Variants in PMPCB observed in about 807,000 individuals in gnomAD.
PMPCB encodes the protein mitochondrial-processing peptidase subunit beta.
Under a neutral mutation model 61.5 loss-of-function variants are expected in PMPCB, and 46 were observed. The ratio of observed to expected loss-of-function variants is 0.75; its 90% CI spans 0.59 to 0.96. The LOEUF (loss-of-function observed/expected upper bound fraction) is 0.96. Ranked by LOEUF, PMPCB falls within the 40% of genes least tolerant of loss-of-function variation. PMPCB has a pLI of 0.00. For missense variants in PMPCB, 590 were observed against 602.4 expected (o/e 0.98, Z 0.22); for synonymous variants, 191 against 201.6 (o/e 0.95, Z 0.44).
At chr7:103,334,906 T>C in the PMPCB span, among the ~76,000 whole-genome samples, 1 of 152,200 alleles carries the variant, frequency 6.6e-6, no homozygotes, top group Admixed American at 6.5e-5. Context: ...CAATCTCGGC[T>C]GGCTGCAACC....
chr7:103,315,874 G>C, downstream of PMPCB: 1 of 1,602,340 alleles, frequency 6.2e-7, no homozygotes, highest in South Asian at 1.1e-5. Context: ...ATGAGGGTCT[G>C]AGAAATGAAA....
the PMPCB span, chr7:103,335,198 T>A: frequency 6.6e-6 from 1 of 152,214 alleles, no homozygotes; most frequent in East Asian, 1.9e-4. Context: ...AAATAAAACT[T>A]TGCTTGTAAT....
chr7:103,346,555 A>G, the PMPCB span, among the ~76,000 whole-genome samples: 5 of 152,216 alleles, frequency 3.3e-5, no homozygotes, highest in African/African-American at 1.2e-4. Flanking sequence ...ACCCTACAAA[A>G]CTATTTTTAT....
intron 6 of PMPCB, among the ~76,000 whole-genome samples, chr7:103,304,878 G>C (rs1817537113): frequency 6.6e-6 from 1 of 151,952 alleles, no homozygotes; most frequent in African/African-American, 2.4e-5. Context: ...AGAATTGCTT[G>C]AACCCAGGAG....
rs376730233 is a variant in PMPCB at position 103,304,009 on chromosome 7, C to A, written c.625C>A (p.Arg209=). Residue 209 remains arginine, a synonymous_variant, in exon 5 of 13, where the codon CGG becomes AGG. Transcript: ENST00000249269. ...AGCTTATCAAAATACTGCACTTGGA[C>A]GGACAATTTTGGGACCAACTGAAAA... ...ATAYQNTALG[R]TILGPTENIK... is the part of the protein sequence containing the mutation. The A allele has an allele frequency of 9.3e-6, 15 of 1,613,580 alleles. No individual in the cohort carries two copies. The highest frequency in any genetic ancestry group is 1.3e-5 in the Non-Finnish European group (15 of 1,179,622).
Position 103,312,752 on chromosome 7 carries a change from A to T in PMPCB, c.*481A>T. 6.5e-7 allele frequency: 1 copy of T among 1,530,292 alleles called. No individual in the cohort carries two copies. The highest frequency in any genetic ancestry group is 2.3e-5 in the East Asian group (1 of 43,936). The allele number at this position is 1,530,292 out of a possible 1,614,324, so 94.8% of individuals were successfully genotyped here. A position where few individuals can be genotyped will look rare whatever the true frequency, so the allele number is the denominator to read the frequency against. On this transcript the variant is annotated 3_prime_UTR_variant, in exon 13 of 13. Transcript: ENST00000249269. ...GCAACTAAGATAGATAGTACTAAAT[A>T]TACTGATTTCATTATCTGCCAGGGC... is the stretch of plus-strand genomic sequence containing the variant.
chr7:103,315,775 T>C (rs1188156805), downstream of PMPCB: 5 of 1,613,398 alleles, frequency 3.1e-6, no homozygotes, highest in Admixed American at 3.3e-5. Context: ...TTCAAATCGT[T>C]CTGAAGGCGT....
Position 103,299,503 on chromosome 7 carries a change from C to T in PMPCB, c.301C>T (p.His101Tyr). The T allele has an allele frequency of 6.2e-7, 1 of 1,612,308 alleles. No homozygotes were observed. Among genetic ancestry groups the T allele is most frequent in the Non-Finnish European group, 8.5e-7 (1 of 1,178,632 alleles). The change falls in exon 3 of 13, where the codon CAC (histidine) becomes TAC (tyrosine). Residue 101 changes from histidine (H) to tyrosine (Y), a missense_variant. Coordinates refer to ENST00000249269, the MANE Select transcript of PMPCB (RefSeq NM_004279.3). ...AAATGAGAAGAACAATGGAACAGCA[C>T]ACTTTCTGGAGCATATGGCTTTCAA... is the stretch of plus-strand genomic sequence containing the variant. ...YENEKNNGTA[H>Y]FLEHMAFKGT...
At chr7:103,316,041 A>G, downstream of PMPCB, 2 of 1,601,392 alleles carry the variant, frequency 1.2e-6, no homozygotes, top group Non-Finnish European at 1.7e-6. Flanking sequence ...AGTTCTTTTG[A>G]CTCCAGAGGA....
chr7:103,338,986 A>G, the PMPCB span, among the ~76,000 whole-genome samples: 1 of 152,214 alleles, frequency 6.6e-6, no homozygotes, highest in Admixed American at 6.5e-5. Context: ...GATGATTTGT[A>G]TGCACAAAGG....
chr7:103,303,896 T>A lies in PMPCB; in HGVS notation c.512T>A (p.Ile171Asn), dbSNP rs1405027331. ...AACAGCACATTGGGAGAAGCAGAGATTGAACGTGAGCGTGGAGTAATCCTT... is the reference window on the plus strand; with the variant it reads ...AACAGCACATTGGGAGAAGCAGAGAATGAACGTGAGCGTGGAGTAATCCTT... The part of the protein sequence containing the change: ...IQNSTLGEAE[I>N]ERERGVILRE... Residue 171 changes from isoleucine (I) to asparagine (N), a missense_variant, in exon 5 of 13, where the codon ATT becomes AAT. Ile to Asn is a moderately radical substitution (Grantham distance 149). Transcript: ENST00000249269. The A allele has an allele frequency of 6.2e-7, 1 of 1,613,838 alleles. No homozygotes were observed. The highest frequency in any genetic ancestry group is 8.5e-7 in the Non-Finnish European group (1 of 1,179,850).
Position 103,313,988 on chromosome 7 carries a change from G to T in PMPCB, c.*1717G>T. 1.0e-6 allele frequency: 1 copy of T among 985,292 alleles called. No individual in the cohort carries two copies. The highest frequency in any genetic ancestry group is 1.2e-6 in the Non-Finnish European group (1 of 829,906). 61.0% of individuals were successfully genotyped at this position (985,292 alleles called of 1,614,324 possible). A position where few individuals can be genotyped will look rare whatever the true frequency, so the allele number is the denominator to read the frequency against. The stretch of plus-strand genomic sequence containing the variant: ...GCCTGTGAGATCTGTTAAAAGTTAA[G>T]CCTAGAAACCAAAGTTCCTTCCCAA... On this transcript the variant is annotated 3_prime_UTR_variant, in exon 13 of 13. Transcript: ENST00000249269.
At chr7:103,316,075 C>A, downstream of PMPCB, 2 of 1,578,374 alleles carry the variant, frequency 1.3e-6, no homozygotes, top group Non-Finnish European at 1.7e-6. Context: ...ATGTAATTAG[C>A]AATAACTTCC....
chr7:103,317,142 A>G (rs1243118003), downstream of PMPCB: 3 of 790,576 alleles, frequency 3.8e-6, no homozygotes, highest in Non-Finnish European at 5.9e-6. Flanking sequence ...TACTCCTCTC[A>G]GGCCAACCCA....
At chr7:103,327,712 G>A (rs1360389913) in intron 12 of PMPCB, 1 of 1,613,372 alleles carries the variant, frequency 6.2e-7, no homozygotes, top group African/African-American at 1.3e-5. Context: ...TTCACCAGCT[G>A]CTTTCCGTTT....
chr7:103,302,569 G>T (rs1261223397), intron 4 of PMPCB, among the ~76,000 whole-genome samples: 2 of 152,070 alleles, frequency 1.3e-5, no homozygotes, highest in African/African-American at 4.8e-5. Context: ...CTGGACAGAT[G>T]GGTTTTATTT....
chr7:103,316,608 C>A (rs140107502), downstream of PMPCB: 688 of 482,106 alleles, frequency 1.4e-3, 4 homozygotes, highest in African/African-American at 0.013. Flanking sequence ...TCTTCAATTT[C>A]CTGAGAAACA....
the PMPCB span, among the ~76,000 whole-genome samples, chr7:103,339,606 T>C: frequency 8.3e-6 from 1 of 121,086 alleles, no homozygotes; most frequent in Non-Finnish European, 2.1e-5. Flanking sequence ...ATCCAATGGT[T>C]TTTTTTTTTT....
downstream of PMPCB, among the ~76,000 whole-genome samples, chr7:103,318,739 T>C (rs1324913386): frequency 6.6e-6 from 1 of 152,176 alleles, no homozygotes; most frequent in Non-Finnish European, 1.5e-5. Context: ...AGAACAAAGA[T>C]CTCTTTTGGT....
Sources: allele counts gnomAD v4.1 joint callset (sites outside exome capture counted in the v4.1 genomes callset), GRCh38; gene constraint gnomAD v4.1.1; transcripts MANE v1.5; gene names NCBI Gene and HGNC (gene_info 2026-07-23, HGNC 2026-07-21).